The following YEATS4 variants were observed in gnomAD, a reference collection of about 807,000 sequenced individuals.
YEATS4 encodes YEATS domain-containing protein 4.
In YEATS4, 17 loss-of-function variants were observed where a neutral mutation model predicts 30.1. The observed-to-expected ratio is 0.56, with a 90% confidence interval of 0.39 to 0.85. YEATS4 has a LOEUF of 0.85. Ranked by LOEUF, YEATS4 falls within the 40% of genes least tolerant of loss-of-function variation. The pLI is 0.00. For synonymous variants in YEATS4, 85 were observed against 87.5 expected (o/e 0.97, Z 0.16); for missense variants, 142 against 268.3 (o/e 0.53, Z 3.29).
chr12:69,370,813 T>C lies in YEATS4; in HGVS notation c.426+15T>C, dbSNP rs768435128. The C allele has an allele frequency of 6.3e-7, 1 of 1,595,304 alleles. No homozygotes were observed. Among genetic ancestry groups the C allele is most frequent in the Non-Finnish European group, 8.5e-7 (1 of 1,174,048 alleles). ...ATGATGAAATGGTAAGAAGATTTTA[T>C]AATGATAGTTTTAAAAGCATTTGAA... On this transcript the variant is annotated intron_variant, in intron 5 of 6. Coordinates refer to ENST00000247843, the MANE Select transcript of YEATS4 (RefSeq NM_006530.4).
At chr12:69,395,874 C>T in the YEATS4 span, among the ~76,000 whole-genome samples, 9,314 of 152,176 alleles carry the variant, frequency 0.061, 431 homozygotes, top group African/African-American at 0.13. Context: ...ACATTATGGT[C>T]CTAATGTAAA....
At chr12:69,404,465 T>C in the YEATS4 span, among the ~76,000 whole-genome samples, 3 of 152,256 alleles carry the variant, frequency 2.0e-5, no homozygotes, top group South Asian at 4.2e-4. Context: ...GGTTAGTTAT[T>C]GTGGGAGTGG....
intron 2 of YEATS4, chr12:69,364,161 A>G (rs1875338562): frequency 6.7e-6 from 3 of 447,788 alleles, no homozygotes; most frequent in Non-Finnish European, 4.5e-6. Flanking sequence ...GAATATAACT[A>G]AAAACCATTG....
chr12:69,404,789 A>AT, the YEATS4 span, among the ~76,000 whole-genome samples: 1 of 152,200 alleles, frequency 6.6e-6, no homozygotes, highest in Non-Finnish European at 1.5e-5. Context: ...CTCCACTCAC[A>AT]TAGGTGGGTT....
intron 6 of YEATS4, among the ~76,000 whole-genome samples, chr12:69,372,890 AT>A (rs1875702848): frequency 6.7e-6 from 1 of 149,978 alleles, no homozygotes; most frequent in East Asian, 2.0e-4. Context: ...ATAATGTTTT[AT>A]CTTTCTGTGC....
chr12:69,373,635 C>T (rs76173217), intron 6 of YEATS4, among the ~76,000 whole-genome samples: 1 of 152,066 alleles, frequency 6.6e-6, no homozygotes, highest in African/African-American at 2.4e-5. Flanking sequence ...TTGATGTGAT[C>T]CCGTTAATCC....
the YEATS4 span, among the ~76,000 whole-genome samples, chr12:69,400,374 C>G: frequency 1.3e-5 from 2 of 151,736 alleles, no homozygotes; most frequent in Admixed American, 1.3e-4. Context: ...TCTAATAATA[C>G]TCAATAAAAT....
At position 69,377,251 on chromosome 12, in the gene YEATS4, A is replaced by G. The variant is rs532689788; in HGVS notation, c.514+6276A>G. ...TGCTCTTGCTTTTCTCATTTTTTAC[A>G]ATACATCGTTAGATATTTTATTTGA... is the stretch of plus-strand genomic sequence containing the variant. On this transcript the variant is annotated intron_variant, in intron 6 of 6. Coordinates refer to ENST00000247843, the MANE Select transcript of YEATS4 (RefSeq NM_006530.4). Among the ~76,000 whole-genome samples the G allele has an allele frequency of 2.6e-5, 4 of 152,232 alleles. No individual in the cohort carries two copies. The South Asian group carries it at 8.3e-4, about 32-fold the overall frequency.
the YEATS4 span, among the ~76,000 whole-genome samples, chr12:69,412,845 G>C: frequency 6.6e-6 from 1 of 152,030 alleles, no homozygotes. Context: ...GGGAGAGCAG[G>C]AGGGCCACCT....
chr12:69,383,973 G>A (rs992049850), intron 6 of YEATS4, among the ~76,000 whole-genome samples: 1 of 152,086 alleles, frequency 6.6e-6, no homozygotes, highest in African/African-American at 2.4e-5. Context: ...AATGAAGTGG[G>A]GAGGGAATTG....
intron 6 of YEATS4, among the ~76,000 whole-genome samples, chr12:69,383,961 G>A (rs1368571118): frequency 6.6e-6 from 1 of 152,114 alleles, no homozygotes; most frequent in African/African-American, 2.4e-5. Flanking sequence ...TAGAGGGATG[G>A]TAATGAAGTG....
the YEATS4 span, among the ~76,000 whole-genome samples, chr12:69,422,414 T>C: frequency 6.6e-6 from 1 of 151,818 alleles, no homozygotes; most frequent in African/African-American, 2.4e-5. Context: ...GGCAGATCAC[T>C]TGAGTCCATA....
chr12:69,421,891 C>T, the YEATS4 span, among the ~76,000 whole-genome samples: 43 of 152,184 alleles, frequency 2.8e-4, no homozygotes, highest in African/African-American at 9.9e-4. Flanking sequence ...TTAAAAACAC[C>T]GTGAAGGTTG....
intron 6 of YEATS4, among the ~76,000 whole-genome samples, chr12:69,380,563 C>T (rs1876035442): frequency 6.6e-6 from 1 of 152,150 alleles, no homozygotes; most frequent in Non-Finnish European, 1.5e-5. Context: ...GAAGCCAGCA[C>T]ATTACTGGGT....
intron 6 of YEATS4, among the ~76,000 whole-genome samples, chr12:69,372,292 A>T (rs917111204): frequency 6.6e-6 from 1 of 152,228 alleles, no homozygotes; most frequent in South Asian, 2.1e-4. Context: ...ACATCCAGGA[A>T]ATGAGATATC....
chr12:69,420,621 A>T, the YEATS4 span, among the ~76,000 whole-genome samples: 1 of 152,162 alleles, frequency 6.6e-6, no homozygotes, highest in Non-Finnish European at 1.5e-5. Flanking sequence ...CATGAAGATG[A>T]AGGGGATCCT....
chr12:69,365,704 A>G lies in YEATS4; in HGVS notation c.238+5A>G. 2 of 1,609,848 alleles carry G rather than the reference A, an allele frequency of 1.2e-6. No individual in the cohort carries two copies. The highest frequency in any genetic ancestry group is 2.2e-5 in the East Asian group (1 of 44,704). ...GCTATGGCAATCCTTTAAGAGGTAC[A>G]ATATAGTCTTTTGATTCACAATATC... On this transcript the variant is annotated splice_donor_5th_base_variant and intron_variant, in intron 3 of 6. Transcript: ENST00000247843.
chr12:69,415,460 C>G, the YEATS4 span, among the ~76,000 whole-genome samples: 1 of 152,060 alleles, frequency 6.6e-6, no homozygotes, highest in Non-Finnish European at 1.5e-5. Flanking sequence ...TTGTAGGAGG[C>G]TGAGGTGAGA....
the YEATS4 span, among the ~76,000 whole-genome samples, chr12:69,424,010 T>G: frequency 0.13 from 19,681 of 152,154 alleles, 1,579 homozygotes; most frequent in East Asian, 0.38. Flanking sequence ...GATATTACTC[T>G]ATGAAGATGT....
Sources: allele counts gnomAD v4.1 joint callset (sites outside exome capture counted in the v4.1 genomes callset), GRCh38; gene constraint gnomAD v4.1.1; transcripts MANE v1.5; gene names NCBI Gene and HGNC (gene_info 2026-07-23, HGNC 2026-07-21).